RPL12: variants seen among roughly 807,000 people sequenced by gnomAD.
The protein encoded by RPL12 is large ribosomal subunit protein uL11.
Under a neutral mutation model 24.5 loss-of-function variants are expected in RPL12, and 10 were observed. That is an observed-to-expected ratio of 0.41 (90% CI 0.25 to 0.69). RPL12 has a LOEUF of 0.69. Ranked by LOEUF, RPL12 falls within the 30% of genes least tolerant of loss-of-function variation. The pLI is 0.33. For missense variants in RPL12, 137 were observed against 205.3 expected (o/e 0.67, Z 2.03); for synonymous variants, 74 against 76.1 (o/e 0.97, Z 0.14).
intron 4 of RPL12, chr9:127,448,652 C>A (rs1269568647): frequency 1.4e-6 from 1 of 737,966 alleles, no homozygotes; most frequent in Middle Eastern, 2.3e-4. Flanking sequence ...AAAACCAAGC[C>A]TTCACAAATC....
Position 127,449,333 on chromosome 9 carries a change from C to G in RPL12, c.240G>C (p.Leu80=). The part of the protein sequence containing the change: ...QIEVVPSASA[L]IIKALKEPPR... The stretch of plus-strand genomic sequence containing the variant: ...GTGGTTCCTTGAGGGCTTTGATGAT[C>G]AGGGCAGAGGCAGAAGGCACCACCT... Residue 80 remains leucine, a synonymous_variant, in exon 4 of 7, where the codon CTG becomes CTC. Coordinates refer to ENST00000361436, the MANE Select transcript of RPL12 (RefSeq NM_000976.4). 1.2e-6 allele frequency: 2 copies of G among 1,610,814 alleles called. No homozygotes were observed. The highest frequency in any genetic ancestry group is 1.7e-6 in the Non-Finnish European group (2 of 1,179,958).
At chr9:127,448,268 A>C in intron 5 of RPL12, 69 bp downstream of exon 5, 1 of 1,294,204 alleles carries the variant, frequency 7.7e-7, no homozygotes, top group Non-Finnish European at 1.1e-6. Flanking sequence ...CCTTCAAGTA[A>C]GAAGAATGTT....
chr9:127,449,748 TG>T, intron 2 of RPL12, 40 bp from the exon 3 acceptor site: 1 of 1,527,486 alleles, frequency 6.5e-7, no homozygotes, highest in Non-Finnish European at 9.0e-7. Context: ...TGTCCAGAGG[TG>T]AACCACAGCC....
At position 127,448,323 on chromosome 9, in the gene RPL12, TGTC is replaced by T; in HGVS notation, c.379+11_379+13del. On this transcript the variant is annotated intron_variant, in intron 5 of 6. Coordinates refer to ENST00000361436, the MANE Select transcript of RPL12 (RefSeq NM_000976.4). Reference sequence around the variant, plus strand: ...AACTACAGTTATGGCGGTTACATGTTGTCCTGCTCTTACCAGAGAGTTCTCTGG... The same window carrying T: ...AACTACAGTTATGGCGGTTACATGTTCTGCTCTTACCAGAGAGTTCTCTGG... 6.3e-7 allele frequency: 1 copy of T among 1,592,046 alleles called. No homozygotes were observed. Among genetic ancestry groups the T allele is most frequent in the Non-Finnish European group, 8.6e-7 (1 of 1,159,972 alleles).
intron 2 of RPL12, chr9:127,450,507 A>T: frequency 2.0e-6 from 1 of 507,830 alleles, no homozygotes; most frequent in Non-Finnish European, 3.5e-6. Context: ...AGGTACACTA[A>T]AGCAGCAGTG....
intron 4 of RPL12, 45 bp downstream of exon 4, chr9:127,449,236 C>G: frequency 6.6e-7 from 1 of 1,519,368 alleles, no homozygotes; most frequent in Non-Finnish European, 9.1e-7. Context: ...TATCAAACAT[C>G]TCACAAACCA....
intron 4 of RPL12, 170 bp from the exon 5 acceptor site, chr9:127,448,593 C>T (rs2131972485): frequency 2.6e-6 from 2 of 760,474 alleles, no homozygotes; most frequent in East Asian, 2.5e-5. Context: ...CACTGGATTG[C>T]ACCAGCCAAC....
Position 127,451,379 on chromosome 9 carries a change from G to T in RPL12, c.-62C>A, listed in dbSNP as rs527773567. On this transcript the variant is annotated 5_prime_UTR_variant, in exon 1 of 7. Transcript: ENST00000361436. Reference sequence around the variant, plus strand: ...GGACGACCGAAGGAAGTTGCACCTTGGCCTCCTCCGAGCCGAAAGCCGAGA... The same window carrying T: ...GGACGACCGAAGGAAGTTGCACCTTTGCCTCCTCCGAGCCGAAAGCCGAGA... The T allele has an allele frequency of 2.9e-5, 47 of 1,602,666 alleles. No homozygotes were observed. Among genetic ancestry groups the T allele is most frequent in the Non-Finnish European group, 3.6e-5 (42 of 1,174,658 alleles).
chr9:127,448,042 C>A, intron 5 of RPL12, 53 bp from the exon 6 acceptor site: 1 of 1,550,278 alleles, frequency 6.5e-7, no homozygotes, highest in Admixed American at 2.0e-5. Context: ...CCCTCACAAT[C>A]TGCAGATACT....
At chr9:127,451,181 G>T (rs569047136) in intron 1 of RPL12, 100 bp downstream of exon 1, 1 of 1,487,890 alleles carries the variant, frequency 6.7e-7, no homozygotes, top group Non-Finnish European at 9.1e-7. Context: ...GTCTCTGGGA[G>T]GCAGCGGCTT....
At chr9:127,447,854 G>GT (rs1834199343) in intron 6 of RPL12, 23 bp downstream of exon 6, 1 of 1,610,460 alleles carries the variant, frequency 6.2e-7, no homozygotes, top group Non-Finnish European at 8.5e-7. Flanking sequence ...CACCCCTACT[G>GT]TAACAATGAA....
At chr9:127,448,011 C>T (rs1460317139) in intron 5 of RPL12, 22 bp from the exon 6 acceptor site, 1 of 1,588,820 alleles carries the variant, frequency 6.3e-7, no homozygotes, top group East Asian at 2.2e-5. Flanking sequence ...GAAATGGTGG[C>T]ATTGGAGGTG....
chr9:127,447,850 TACTGTA>T, intron 6 of RPL12, 21 bp downstream of exon 6: 2 of 1,610,526 alleles, frequency 1.2e-6, no homozygotes, highest in Non-Finnish European at 1.7e-6. Context: ...CTTTCACCCC[TACTGTA>T]ACAATGAAAA....
chr9:127,449,054 T>C (rs1019489351), intron 4 of RPL12: 2 of 452,496 alleles, frequency 4.4e-6, no homozygotes, highest in Non-Finnish European at 8.2e-6. Flanking sequence ...CTCGAACTCC[T>C]GATCTCAACT....
rs762832391 is a variant in RPL12, at chr9:127,449,625, C to T, written c.195G>A (p.Gln65=). 5 of 1,614,136 alleles carry T rather than the reference C, an allele frequency of 3.1e-6. No homozygotes were observed. Among genetic ancestry groups the T allele is most frequent in the Non-Finnish European group, 2.5e-6 (3 of 1,179,968 alleles). ...AAGCAAATACCTGGGCCTGTCTGTTCTGAATGGTCAGTTTCACTGTAATCC... is the reference window on the plus strand; with the variant it reads ...AAGCAAATACCTGGGCCTGTCTGTTTTGAATGGTCAGTTTCACTGTAATCC... ...GLRITVKLTI[Q]NRQAQIEVVP... is the part of the protein sequence containing the mutation. The change falls in exon 3 of 7, where the codon CAG becomes CAA. Residue 65 remains glutamine, a synonymous_variant. Coordinates refer to ENST00000361436, the MANE Select transcript of RPL12 (RefSeq NM_000976.4).
intron 5 of RPL12, 36 bp downstream of exon 5, chr9:127,448,301 T>A: frequency 1.3e-6 from 2 of 1,498,684 alleles, no homozygotes; most frequent in Non-Finnish European, 1.9e-6. Flanking sequence ...AAAACACAAC[T>A]ACAGTTATGG....
Position 127,449,780 on chromosome 9 carries a change from C to T in RPL12, c.112-72G>A, listed in dbSNP as rs549175761. 5 of 1,198,880 alleles carry T rather than the reference C, an allele frequency of 4.2e-6. No individual in the cohort carries two copies. The African/African-American group carries it at 4.5e-5, about 11-fold the overall frequency. 74.3% of individuals were successfully genotyped at this position (1,198,880 alleles called of 1,614,324 possible). ...CAGCCTTGAAACCTGCCCACCACTT[C>T]TCACTTGGCAACAAAGGAAGCTATC... On this transcript the variant is annotated intron_variant, in intron 2 of 6. Coordinates refer to ENST00000361436, the MANE Select transcript of RPL12 (RefSeq NM_000976.4).
chr9:127,450,894 C>T, intron 1 of RPL12, 90 bp from the exon 2 acceptor site: 1 of 1,005,634 alleles, frequency 9.9e-7, no homozygotes. Flanking sequence ...ACGCCACCCT[C>T]TGCCTCTTCT....
intron 2 of RPL12, 149 bp from the exon 3 acceptor site, chr9:127,449,857 T>A (rs970875787): frequency 2.9e-5 from 19 of 650,092 alleles, no homozygotes; most frequent in Non-Finnish European, 4.4e-5. Context: ...CACCATAGCA[T>A]AAATTGGGGG....
Sources: allele counts gnomAD v4.1 joint callset, GRCh38; gene constraint gnomAD v4.1.1; transcripts MANE v1.5; gene names NCBI Gene and HGNC (gene_info 2026-07-23, HGNC 2026-07-21).